Variants in FCHO2 observed in about 807,000 individuals in gnomAD.
FCHO2 encodes F-BAR domain only protein 2.
A neutral mutation model predicts 114.1 loss-of-function variants in FCHO2; 43 were observed. The ratio of observed to expected loss-of-function variants is 0.38; its 90% confidence interval spans 0.30 to 0.49. The LOEUF (loss-of-function observed/expected upper bound fraction) is 0.49. Among genes scored for constraint, FCHO2 ranks in the 20% least tolerant of loss-of-function variants. The pLI, the probability that FCHO2 is intolerant of heterozygous loss-of-function variation, is 0.97. For synonymous variants in FCHO2, 293 were observed against 315.2 expected (o/e 0.93, Z 0.75); for missense variants, 807 against 950.4 (o/e 0.85, Z 1.98).
In FCHO2 at chr5:72,971,345, C is replaced by T. The variant is rs903445064; in HGVS notation, c.125+2756C>T. Among the ~76,000 whole-genome samples the T allele has an allele frequency of 3.9e-3, 587 of 151,616 alleles. 2 individuals are homozygous for T. Among genetic ancestry groups the T allele is most frequent in the African/African-American group, 0.013 (551 of 41,504 alleles). On this transcript the variant is annotated intron_variant, in intron 2 of 25. Coordinates refer to ENST00000430046, the MANE Select transcript of FCHO2 (RefSeq NM_138782.3). ...GTGTAAAAGTGTTCCTATTTCTCCA[C>T]ATCCTCTCCAGCACCTGTTGTTTCC...
intron 5 of FCHO2, among the ~76,000 whole-genome samples, chr5:72,996,113 G>A (rs1754078510): frequency 6.6e-6 from 1 of 152,002 alleles, no homozygotes; most frequent in Non-Finnish European, 1.5e-5. Flanking sequence ...CGTGGTAGCG[G>A]GCGCTTGTAA....
chr5:73,024,881 A>G (rs1755834084), intron 8 of FCHO2, among the ~76,000 whole-genome samples: 1 of 152,212 alleles, frequency 6.6e-6, no homozygotes, highest in Admixed American at 6.5e-5. Context: ...TACATTTCTC[A>G]TGAATAAGTA....
chr5:73,053,433 C>T (rs566482731), intron 13 of FCHO2, among the ~76,000 whole-genome samples: 24 of 152,268 alleles, frequency 1.6e-4, no homozygotes, highest in African/African-American at 5.1e-4. Context: ...TGGTGGCTCA[C>T]GCCTGTAATC....
At chr5:72,976,728 C>T (rs1318412107) in intron 2 of FCHO2, among the ~76,000 whole-genome samples, 2 of 151,984 alleles carry the variant, frequency 1.3e-5, no homozygotes, top group Admixed American at 6.6e-5. Flanking sequence ...ACCCATGAAC[C>T]TGTCATCCAC....
At chr5:73,081,508 C>T (rs759844128) in intron 22 of FCHO2, among the ~76,000 whole-genome samples, 3 of 152,166 alleles carry the variant, frequency 2.0e-5, no homozygotes, top group Non-Finnish European at 4.4e-5. Context: ...TGGGCCCTGT[C>T]CCTAAGCTGT....
At chr5:72,961,659 A>G (rs1751877281) in intron 1 of FCHO2, among the ~76,000 whole-genome samples, 1 of 151,056 alleles carries the variant, frequency 6.6e-6, no homozygotes, top group Non-Finnish European at 1.5e-5. Context: ...CAATGGCGCG[A>G]TCTCAGCTCG....
At chr5:72,986,938 G>C (rs1390536704) in intron 2 of FCHO2, among the ~76,000 whole-genome samples, 1 of 150,202 alleles carries the variant, frequency 6.7e-6, no homozygotes, top group Non-Finnish European at 1.5e-5. Context: ...GAGTGCAGTG[G>C]CACCATCTCG....
At chr5:73,009,943 T>C (rs975308615) in intron 6 of FCHO2, among the ~76,000 whole-genome samples, 1 of 152,240 alleles carries the variant, frequency 6.6e-6, no homozygotes, top group Admixed American at 6.5e-5. Flanking sequence ...GTATTTGTTC[T>C]TTCTCAAGAT....
chr5:73,065,580 A>G (rs762847475), intron 18 of FCHO2, among the ~76,000 whole-genome samples: 1 of 152,098 alleles, frequency 6.6e-6, no homozygotes, highest in Non-Finnish European at 1.5e-5. Context: ...TGAGACTTAA[A>G]TGAGTTAATA....
intron 19 of FCHO2, 104 bp from the exon 20 acceptor site, chr5:73,074,638 G>C (rs1742824323): frequency 2.0e-6 from 2 of 992,066 alleles, no homozygotes; most frequent in East Asian, 5.3e-5. Context: ...ACTGAAACCA[G>C]TGGTAGGGTC....
chr5:73,054,234 T>C, intron 14 of FCHO2, 63 bp downstream of exon 14: 1 of 1,324,578 alleles, frequency 7.5e-7, no homozygotes, highest in Non-Finnish European at 1.0e-6. Flanking sequence ...TTTGGAAGAT[T>C]GACTTTCAAA....
chr5:72,981,848 A>C (rs1029723034), intron 2 of FCHO2, among the ~76,000 whole-genome samples: 4 of 152,200 alleles, frequency 2.6e-5, no homozygotes, highest in Non-Finnish European at 1.5e-5. Context: ...CAATTCGTCT[A>C]ACCTTTTTTC....
At chr5:73,072,266 G>A (rs1742693660) in intron 19 of FCHO2, among the ~76,000 whole-genome samples, 2 of 152,006 alleles carry the variant, frequency 1.3e-5, no homozygotes, top group Non-Finnish European at 2.9e-5. Flanking sequence ...AAATGTTGGT[G>A]AGGATGTGGA....
At chr5:72,967,147 G>A (rs1752247627) in intron 1 of FCHO2, among the ~76,000 whole-genome samples, 2 of 152,190 alleles carry the variant, frequency 1.3e-5, no homozygotes, top group Admixed American at 1.3e-4. Context: ...TTAGCCAGAT[G>A]TGGTGGTGCA....
chr5:73,013,409 T>C (rs1430900556), intron 6 of FCHO2, among the ~76,000 whole-genome samples: 1 of 152,188 alleles, frequency 6.6e-6, no homozygotes, highest in Non-Finnish European at 1.5e-5. Flanking sequence ...ATAGTAAGGC[T>C]TAGGCCCATT....
At chr5:73,020,347 C>T (rs529428630) in intron 8 of FCHO2, among the ~76,000 whole-genome samples, 17 of 152,306 alleles carry the variant, frequency 1.1e-4, no homozygotes, top group Admixed American at 5.9e-4. Flanking sequence ...CTACAGTCTA[C>T]ATCTGGTGAA....
At chr5:72,996,323 A>G (rs1754096350) in intron 5 of FCHO2, among the ~76,000 whole-genome samples, 2 of 152,064 alleles carry the variant, frequency 1.3e-5, no homozygotes, top group Non-Finnish European at 1.5e-5. Context: ...TTACTCTTGC[A>G]AAGAAAAGGG....
At chr5:72,974,843 G>A (rs907511449) in intron 2 of FCHO2, among the ~76,000 whole-genome samples, 16 of 152,128 alleles carry the variant, frequency 1.1e-4, no homozygotes, top group Non-Finnish European at 1.9e-4. Context: ...GGCTGGTACT[G>A]GTTGTTCCTT....
chr5:73,017,143 T>A, intron 7 of FCHO2, 69 bp from the exon 8 acceptor site: 1 of 889,808 alleles, frequency 1.1e-6, no homozygotes, highest in South Asian at 2.1e-5. Context: ...AATTGTCTTG[T>A]GTAAGTTTTA....
Sources: allele counts gnomAD v4.1 joint callset (sites outside exome capture counted in the v4.1 genomes callset), GRCh38; gene constraint gnomAD v4.1.1; transcripts MANE v1.5; gene names NCBI Gene and HGNC (gene_info 2026-07-23, HGNC 2026-07-21).